The following PPP1R9A variants were observed in gnomAD, a reference collection of about 807,000 sequenced individuals.
The protein encoded by PPP1R9A is protein phosphatase 1 regulatory subunit 9A, also known as neurabin-1.
Under a neutral mutation model 141.9 loss-of-function variants are expected in PPP1R9A, and 59 were observed. The ratio of observed to expected loss-of-function variants is 0.42; its 90% CI spans 0.34 to 0.52. The LOEUF (loss-of-function observed/expected upper bound fraction) is 0.52, where lower values mean the gene tolerates loss of function less well. PPP1R9A is among the 20% of genes least tolerant of loss of function. PPP1R9A has a pLI of 0.10. For synonymous variants in PPP1R9A, 500 were observed against 569.7 expected, an observed-to-expected ratio of 0.88 and a Z score of 1.74; for missense variants, 1,444 against 1,611.9, an observed-to-expected ratio of 0.90 and a Z score of 1.78.
At chr7:94,917,798 T>C (rs17166522) in intron 2 of PPP1R9A, among the ~76,000 whole-genome samples, 3,147 of 152,264 alleles carry the variant, frequency 0.021, 125 homozygotes, top group African/African-American at 0.073. Context: ...ACTTGAAAGA[T>C]AAGATGCCAA....
At chr7:95,188,105 G>T (rs1378148671) in intron 5 of PPP1R9A, among the ~76,000 whole-genome samples, 1 of 151,948 alleles carries the variant, frequency 6.6e-6, no homozygotes, top group Non-Finnish European at 1.5e-5. Flanking sequence ...CTATTATTGG[G>T]TTGCCATCTA....
At chr7:95,097,979 G>T (rs1818264331) in intron 2 of PPP1R9A, among the ~76,000 whole-genome samples, 1 of 152,256 alleles carries the variant, frequency 6.6e-6, no homozygotes, top group Non-Finnish European at 1.5e-5. Flanking sequence ...TCAAGCATAA[G>T]TTGAAGCTGC....
At chr7:95,135,901 A>G (rs1028809301) in intron 4 of PPP1R9A, among the ~76,000 whole-genome samples, 1 of 119,740 alleles carries the variant, frequency 8.4e-6, no homozygotes, top group Admixed American at 1.1e-4. Context: ...ACCTCTGTTC[A>G]TCCTTCAAAT....
chr7:95,166,461 A>G (rs1831285215), intron 5 of PPP1R9A, among the ~76,000 whole-genome samples: 1 of 152,224 alleles, frequency 6.6e-6, no homozygotes, highest in Admixed American at 6.5e-5. Flanking sequence ...AGATTGAATC[A>G]GGAAGAAATA....
intron 5 of PPP1R9A, among the ~76,000 whole-genome samples, chr7:95,178,809 C>G (rs181684340): frequency 2.0e-5 from 3 of 152,110 alleles, no homozygotes; most frequent in African/African-American, 7.2e-5. Flanking sequence ...AAGATACAAC[C>G]CTCCTAGCTT....
At chr7:95,101,088 G>A (rs1042933984) in intron 2 of PPP1R9A, among the ~76,000 whole-genome samples, 4 of 151,748 alleles carry the variant, frequency 2.6e-5, no homozygotes, top group East Asian at 3.9e-4. Context: ...TCCTGACCTC[G>A]TGATCCGCCC....
intron 2 of PPP1R9A, among the ~76,000 whole-genome samples, chr7:94,935,549 A>T (rs936225428): frequency 4.6e-5 from 7 of 152,194 alleles, no homozygotes; most frequent in Non-Finnish European, 5.9e-5. Context: ...TTTAAATGTG[A>T]TATTATTTAA....
intron 2 of PPP1R9A, among the ~76,000 whole-genome samples, chr7:94,990,800 T>G (rs1313161788): frequency 6.6e-6 from 1 of 152,068 alleles, no homozygotes; most frequent in African/African-American, 2.4e-5. Context: ...AGACATGTGG[T>G]GTTTAACTTT....
rs183373324 is a variant in PPP1R9A, at chr7:95,031,109, G to A, written c.1396-80150G>A. 4.6e-5 allele frequency among the ~76,000 whole-genome samples: 7 copies of A among 152,276 alleles called. 1 individual carries two copies. The highest frequency in any genetic ancestry group is 3.9e-4 in the Admixed American group (6 of 15,294). Reference sequence around the variant, plus strand: ...TTGAATATCAACCTTGCGTTTACCTGAATGTGTCTACCCAAAACTGGATTC... The same window carrying A: ...TTGAATATCAACCTTGCGTTTACCTAAATGTGTCTACCCAAAACTGGATTC... On this transcript the variant is annotated intron_variant, in intron 2 of 19. Coordinates refer to ENST00000433360, the MANE Select transcript of PPP1R9A (RefSeq NM_001166160.2).
intron 2 of PPP1R9A, among the ~76,000 whole-genome samples, chr7:94,944,058 T>C (rs1795620434): frequency 6.6e-6 from 1 of 152,124 alleles, no homozygotes; most frequent in Non-Finnish European, 1.5e-5. Flanking sequence ...ATTTTGGGGG[T>C]ATATGTGATA....
intron 4 of PPP1R9A, among the ~76,000 whole-genome samples, chr7:95,142,288 TTTAAC>T (rs771185050): frequency 2.6e-5 from 4 of 152,114 alleles, no homozygotes; most frequent in Non-Finnish European, 5.9e-5. Flanking sequence ...AACATTTTCT[TTTAAC>T]TTATGAGTTG....
At chr7:94,922,140 A>G (rs1485871772) in intron 2 of PPP1R9A, among the ~76,000 whole-genome samples, 2 of 150,130 alleles carry the variant, frequency 1.3e-5, no homozygotes, top group African/African-American at 2.4e-5. Flanking sequence ...TAAATTAATT[A>G]AAAATAAAAT....
At chr7:95,126,504 T>C (rs946504540) in intron 4 of PPP1R9A, among the ~76,000 whole-genome samples, 1 of 152,090 alleles carries the variant, frequency 6.6e-6, no homozygotes, top group Non-Finnish European at 1.5e-5. Context: ...GATGAGATAG[T>C]TTTTACAAAC....
rs557443817 is a variant in PPP1R9A, at chr7:95,271,177, A to C, written c.3124+1670A>C. Among the ~76,000 whole-genome samples the C allele has an allele frequency of 4.6e-5, 7 of 152,328 alleles. No homozygotes were observed. The East Asian group carries it at 1.4e-3, about 29-fold the overall frequency. On this transcript the variant is annotated intron_variant, in intron 14 of 19. Coordinates refer to ENST00000433360, the MANE Select transcript of PPP1R9A (RefSeq NM_001166160.2). ...TGCTTATGCAGGGTGGAGTAGTTACACACAAAAGTGAGCCAGTAGGTTAAG... is the reference window on the plus strand; with the variant it reads ...TGCTTATGCAGGGTGGAGTAGTTACCCACAAAAGTGAGCCAGTAGGTTAAG...
At chr7:94,908,376 A>T (rs189605215) in intron 1 of PPP1R9A, 1 of 152,140 alleles carries the variant, frequency 6.6e-6, no homozygotes. Flanking sequence ...CTATTTTTTT[A>T]AATGTGGCCA....
chr7:95,162,992 G>A (rs1830660390), intron 5 of PPP1R9A, among the ~76,000 whole-genome samples: 1 of 152,178 alleles, frequency 6.6e-6, no homozygotes, highest in African/African-American at 2.4e-5. Flanking sequence ...AAAACTGTGT[G>A]GTGCTCTCTG....
intron 2 of PPP1R9A, among the ~76,000 whole-genome samples, chr7:95,102,667 T>C (rs1818942444): frequency 6.6e-6 from 1 of 152,212 alleles, no homozygotes; most frequent in African/African-American, 2.4e-5. Context: ...AGTTTAAGTA[T>C]GGAAATAATG....
At chr7:95,128,507 CTTTAG>C (rs1239533237) in intron 4 of PPP1R9A, among the ~76,000 whole-genome samples, 7 of 152,080 alleles carry the variant, frequency 4.6e-5, no homozygotes, top group Non-Finnish European at 8.8e-5. Context: ...TGCAGAATCT[CTTTAG>C]TTTAATTAGG....
At chr7:95,260,845 A>C (rs1160478962) in intron 12 of PPP1R9A, among the ~76,000 whole-genome samples, 1 of 152,158 alleles carries the variant, frequency 6.6e-6, no homozygotes, top group Admixed American at 6.6e-5. Flanking sequence ...ATCTTTTATA[A>C]GTAAAGATCA....
Sources: gnomAD v4.1 joint callset for allele counts (sites outside exome capture counted in the v4.1 genomes callset) on GRCh38, gnomAD v4.1.1 for gene constraint, MANE v1.5 for transcripts, NCBI Gene and HGNC (gene_info 2026-07-23, HGNC 2026-07-21) for gene names.